Variants in TERB2 observed in about 807,000 individuals in gnomAD.
The protein encoded by TERB2 is telomere repeats-binding bouquet formation protein 2.
TERB2 carries 26 observed loss-of-function variants against 29.8 expected under a neutral mutation model. The ratio of observed to expected loss-of-function variants is 0.87; its 90% confidence interval spans 0.64 to 1.21. TERB2 has a LOEUF of 1.21. Ranked by LOEUF, TERB2 falls within the 50% of genes most tolerant of loss-of-function variation. The pLI, the probability that TERB2 is intolerant of heterozygous loss-of-function variation, is 0.00. For synonymous variants in TERB2, 80 were observed against 90.8 expected (o/e 0.88, Z 0.68); for missense variants, 240 against 268.6 (o/e 0.89, Z 0.74).
At chr15:44,969,412 T>C (rs1009976601) in intron 5 of TERB2, among the ~76,000 whole-genome samples, 1 of 152,042 alleles carries the variant, frequency 6.6e-6, no homozygotes, top group Non-Finnish European at 1.5e-5. Context: ...CCAGCCTAAT[T>C]AAATTTTTTT....
At chr15:44,978,106 C>T (rs1310325071) in intron 6 of TERB2, among the ~76,000 whole-genome samples, 1 of 152,194 alleles carries the variant, frequency 6.6e-6, no homozygotes, top group African/African-American at 2.4e-5. Flanking sequence ...GGAAGATGAA[C>T]TGTTTGCACT....
chr15:44,962,435 C>T (rs1417711575), intron 4 of TERB2, among the ~76,000 whole-genome samples: 1 of 151,728 alleles, frequency 6.6e-6, no homozygotes, highest in Non-Finnish European at 1.5e-5. Context: ...GTGATCCGCC[C>T]GCCTCGGCCT....
At chr15:44,975,836 C>G (rs1202056069) in intron 6 of TERB2, among the ~76,000 whole-genome samples, 1 of 152,134 alleles carries the variant, frequency 6.6e-6, no homozygotes, top group Non-Finnish European at 1.5e-5. Context: ...ACTAATATCA[C>G]TTATTATCAC....
At chr15:44,976,399 T>C (rs1451523966) in intron 6 of TERB2, among the ~76,000 whole-genome samples, 2 of 152,276 alleles carry the variant, frequency 1.3e-5, no homozygotes, top group African/African-American at 4.8e-5. Context: ...TGCTGGATTT[T>C]GGCCAAAGGC....
At chr15:44,960,091 G>A (rs572475842) in intron 3 of TERB2, among the ~76,000 whole-genome samples, 1 of 152,180 alleles carries the variant, frequency 6.6e-6, no homozygotes, top group African/African-American at 2.4e-5. Context: ...AACTTATATT[G>A]TAGAATGGCT....
In TERB2 at chr15:44,973,006, C is replaced by T. The variant is rs190598496; in HGVS notation, c.435-861C>T. Among the ~76,000 whole-genome samples the T allele has an allele frequency of 3.5e-3, 525 of 151,470 alleles. 4 individuals are homozygous for T. Among genetic ancestry groups the T allele is most frequent in the African/African-American group, 0.012 (508 of 41,254 alleles). ...CAAGCAATTCTCCTGCCTCAACCTTCCGAGTAGCTGGGATTACAGGTGGGT... is the reference window on the plus strand; with the variant it reads ...CAAGCAATTCTCCTGCCTCAACCTTTCGAGTAGCTGGGATTACAGGTGGGT... On this transcript the variant is annotated intron_variant, in intron 5 of 6. Transcript: ENST00000340827.
intron 5 of TERB2, among the ~76,000 whole-genome samples, chr15:44,973,392 A>G (rs2141244762): frequency 6.6e-6 from 1 of 152,290 alleles, no homozygotes; most frequent in East Asian, 1.9e-4. Flanking sequence ...GGAGAAAAAG[A>G]CCCAGGACTC....
intron 5 of TERB2, among the ~76,000 whole-genome samples, chr15:44,971,579 C>T (rs936781215): frequency 1.3e-5 from 2 of 151,990 alleles, no homozygotes; most frequent in Middle Eastern, 3.2e-3. Flanking sequence ...CACAGTTAAA[C>T]CCCGTGTCTA....
chr15:44,965,096 G>C (rs1212181478), intron 4 of TERB2, among the ~76,000 whole-genome samples: 1 of 140,540 alleles, frequency 7.1e-6, no homozygotes, highest in Non-Finnish European at 1.5e-5. Flanking sequence ...TTGGGAGGCG[G>C]AGGTTGCAGT....
intron 3 of TERB2, among the ~76,000 whole-genome samples, chr15:44,959,965 C>A (rs1380784148): frequency 1.3e-5 from 2 of 152,174 alleles, no homozygotes; most frequent in Admixed American, 1.3e-4. Flanking sequence ...GTCAAACCTA[C>A]TTATAAGTAA....
chr15:44,970,087 T>C lies in TERB2; in HGVS notation c.435-3780T>C, dbSNP rs964126229. On this transcript the variant is annotated intron_variant, in intron 5 of 6. Transcript: ENST00000340827. The stretch of plus-strand genomic sequence containing the variant: ...ATCCAAGTAATGCAGTAGTGGCACA[T>C]TGGTTAGAAGGCAAAATTTTACTTT... 2.6e-5 allele frequency: 4 copies of C among 152,826 alleles called. 1 individual carries two copies. Among genetic ancestry groups the C allele is most frequent in the African/African-American group, 9.7e-5 (4 of 41,094 alleles). The allele number at this position is 152,826 out of a possible 1,614,324, so 9.5% of individuals were successfully genotyped here.
intron 3 of TERB2, among the ~76,000 whole-genome samples, chr15:44,959,463 G>T (rs1253292695): frequency 6.6e-6 from 1 of 152,092 alleles, no homozygotes; most frequent in African/African-American, 2.4e-5. Flanking sequence ...CACCTCCTGG[G>T]TTCAAGCGAT....
At chr15:44,958,270 A>C (rs563440494) in intron 2 of TERB2, 103 bp from the exon 3 acceptor site, 1 of 1,361,204 alleles carries the variant, frequency 7.3e-7, no homozygotes, top group South Asian at 1.5e-5. Flanking sequence ...GTATGCTTCA[A>C]TGTAATCGTC....
chr15:44,972,656 C>T (rs1001991144), intron 5 of TERB2, among the ~76,000 whole-genome samples: 7 of 151,458 alleles, frequency 4.6e-5, no homozygotes, highest in African/African-American at 1.7e-4. Context: ...GCTGGGATTA[C>T]AGCTGCTCGC....
At chr15:44,976,080 G>T (rs1166224978) in intron 6 of TERB2, 1 of 152,092 alleles carries the variant, frequency 6.6e-6, no homozygotes, top group Non-Finnish European at 1.5e-5. Context: ...ATTTATTATA[G>T]AGATGAGGTC....
At chr15:44,978,257 C>T (rs188460957) in intron 6 of TERB2, among the ~76,000 whole-genome samples, 1 of 152,246 alleles carries the variant, frequency 6.6e-6, no homozygotes. Flanking sequence ...AGCTTTAATC[C>T]ACCTTTTAAT....
chr15:44,966,337 T>G, intron 5 of TERB2, 94 bp downstream of exon 5: 1 of 639,614 alleles, frequency 1.6e-6, no homozygotes, highest in Non-Finnish European at 2.3e-6. Context: ...TCAGTTTTCC[T>G]ATGAGATAGA....
At chr15:44,957,067 G>C in intron 2 of TERB2, 90 bp downstream of exon 2, 1 of 1,344,880 alleles carries the variant, frequency 7.4e-7, no homozygotes, top group Non-Finnish European at 1.0e-6. Flanking sequence ...ATATTGATGA[G>C]GCTGGGCGCG....
chr15:44,963,636 A>G (rs565594109), intron 4 of TERB2, among the ~76,000 whole-genome samples: 67 of 151,866 alleles, frequency 4.4e-4, no homozygotes, highest in Non-Finnish European at 2.9e-4. Flanking sequence ...AAAACAATGT[A>G]TATTTTTAGA....
Sources: gnomAD v4.1 joint callset for allele counts (sites outside exome capture counted in the v4.1 genomes callset) on GRCh38, gnomAD v4.1.1 for gene constraint, MANE v1.5 for transcripts, NCBI Gene and HGNC (gene_info 2026-07-23, HGNC 2026-07-21) for gene names.